The following SHISA9 variants were observed in gnomAD, a reference collection of about 807,000 sequenced individuals.
The protein encoded by SHISA9 is protein shisa-9.
In SHISA9, 13 loss-of-function variants were observed where a neutral mutation model predicts 38.0. The ratio of observed to expected loss-of-function variants is 0.34; its 90% CI spans 0.22 to 0.54. The LOEUF is 0.54. Among genes scored for constraint, SHISA9 ranks in the 20% least tolerant of loss-of-function variants. The pLI, the probability that SHISA9 is intolerant of heterozygous loss-of-function variation, is 0.91. For missense variants in SHISA9, 538 were observed against 575.8 expected (o/e 0.93, Z 0.67); for synonymous variants, 275 against 242.0 (o/e 1.14, Z -1.27).
Position 13,204,332 on chromosome 16 carries a change from G to C in SHISA9, c.847+783G>C, listed in dbSNP as rs190021370. Among the ~76,000 whole-genome samples the C allele has an allele frequency of 1.3e-3, 191 of 152,154 alleles. 1 individual carries two copies. The highest frequency in any genetic ancestry group is 4.5e-3 in the African/African-American group (185 of 41,508). ...AGCTGCTTTCTCTGACCTAGAACAA[G>C]TTCTACATTGCTGTGTGAGGCAGGG... On this transcript the variant is annotated intron_variant, in intron 3 of 4. Transcript: ENST00000558583.
chr16:13,046,072 G>A (rs1371577968), intron 2 of SHISA9, among the ~76,000 whole-genome samples: 1 of 152,188 alleles, frequency 6.6e-6, no homozygotes, highest in Non-Finnish European at 1.5e-5. Flanking sequence ...ATCACTGAGG[G>A]TCTGTGGTTT....
chr16:12,986,250 T>C (rs935483614), intron 2 of SHISA9, among the ~76,000 whole-genome samples: 1 of 152,244 alleles, frequency 6.6e-6, no homozygotes, highest in African/African-American at 2.4e-5. Flanking sequence ...ACTTCCTTTT[T>C]TTCCTTTGGA....
chr16:13,256,996 C>T, the SHISA9 span, among the ~76,000 whole-genome samples: 1 of 152,160 alleles, frequency 6.6e-6, no homozygotes, highest in East Asian at 1.9e-4. Context: ...CTATGCCAAC[C>T]TCTGGTGCCC....
At chr16:13,060,653 A>C (rs886347545) in intron 2 of SHISA9, among the ~76,000 whole-genome samples, 1 of 151,448 alleles carries the variant, frequency 6.6e-6, no homozygotes, top group Non-Finnish European at 1.5e-5. Context: ...AAAAAAAAAA[A>C]AAAAAAAACA....
At chr16:13,433,781 C>G in the SHISA9 span, among the ~76,000 whole-genome samples, 4 of 152,230 alleles carry the variant, frequency 2.6e-5, no homozygotes, top group Admixed American at 6.5e-5. Context: ...GATTTGTCCA[C>G]TGACTAACCT....
intron 4 of SHISA9, among the ~76,000 whole-genome samples, chr16:13,221,696 C>T (rs753707565): frequency 1.3e-5 from 2 of 152,124 alleles, no homozygotes; most frequent in Non-Finnish European, 2.9e-5. Context: ...TCAGAATGTT[C>T]ACAGAATTGT....
the SHISA9 span, among the ~76,000 whole-genome samples, chr16:13,327,885 C>T: frequency 1.1e-3 from 173 of 152,142 alleles, no homozygotes; most frequent in African/African-American, 4.1e-3. Flanking sequence ...CCTTGCACTC[C>T]TGACCTGGAG....
At chr16:13,520,711 G>C in the SHISA9 span, among the ~76,000 whole-genome samples, 4 of 150,954 alleles carry the variant, frequency 2.6e-5, no homozygotes, top group Admixed American at 6.6e-5. Context: ...GAAGAGTAAA[G>C]GCATATGTAT....
chr16:13,094,591 G>T (rs930102454), intron 2 of SHISA9, among the ~76,000 whole-genome samples: 2 of 152,144 alleles, frequency 1.3e-5, no homozygotes, highest in Non-Finnish European at 2.9e-5. Context: ...TTTTGTCTCA[G>T]TGTCAATACC....
intron 2 of SHISA9, among the ~76,000 whole-genome samples, chr16:12,966,255 T>A (rs1243854557): frequency 6.6e-6 from 1 of 152,200 alleles, no homozygotes; most frequent in Non-Finnish European, 1.5e-5. Context: ...CTAGGGGACA[T>A]CTGCTTCCCT....
chr16:13,314,043 G>A, the SHISA9 span, among the ~76,000 whole-genome samples: 1 of 137,142 alleles, frequency 7.3e-6, no homozygotes, highest in Non-Finnish European at 1.7e-5. Context: ...ACAATAAGCT[G>A]TACCTCATGG....
intron 2 of SHISA9, among the ~76,000 whole-genome samples, chr16:12,988,157 C>T (rs1359317115): frequency 6.6e-6 from 1 of 152,196 alleles, no homozygotes; most frequent in Admixed American, 6.5e-5. Context: ...CCAGATGGAC[C>T]ACAACAGGCA....
chr16:13,465,078 T>C, the SHISA9 span, among the ~76,000 whole-genome samples: 1 of 152,200 alleles, frequency 6.6e-6, no homozygotes, highest in Non-Finnish European at 1.5e-5. Flanking sequence ...CTCAGTCTTA[T>C]TAACATTTTG....
At chr16:13,243,179 G>A (rs1286109420), downstream of SHISA9, among the ~76,000 whole-genome samples, 1 of 151,916 alleles carries the variant, frequency 6.6e-6, no homozygotes, top group Non-Finnish European at 1.5e-5. Context: ...GGCAGAGTTT[G>A]CAGTGAGCCG....
intron 2 of SHISA9, among the ~76,000 whole-genome samples, chr16:12,926,052 A>T (rs1448541659): frequency 1.3e-5 from 2 of 152,158 alleles, no homozygotes; most frequent in African/African-American, 4.8e-5. Flanking sequence ...CAACATCTTC[A>T]TAAAATAATT....
the SHISA9 span, among the ~76,000 whole-genome samples, chr16:13,544,657 A>G: frequency 6.6e-6 from 1 of 151,822 alleles, no homozygotes; most frequent in South Asian, 2.1e-4. Flanking sequence ...AGAATAGAAG[A>G]CTGGGCCAGG....
the SHISA9 span, among the ~76,000 whole-genome samples, chr16:13,325,656 C>T: frequency 3.6e-3 from 547 of 152,272 alleles, 3 homozygotes; most frequent in South Asian, 6.0e-3. Flanking sequence ...GAGTCCAAAG[C>T]CCTGACGACT....
chr16:12,964,778 C>T (rs1387303389), intron 2 of SHISA9, among the ~76,000 whole-genome samples: 1 of 152,060 alleles, frequency 6.6e-6, no homozygotes, highest in East Asian at 1.9e-4. Flanking sequence ...GTTACTTAAC[C>T]CCTGAGATTC....
intron 2 of SHISA9, among the ~76,000 whole-genome samples, chr16:13,078,466 G>T (rs1430488183): frequency 6.6e-6 from 1 of 151,562 alleles, no homozygotes; most frequent in Admixed American, 6.6e-5. Flanking sequence ...AGTGCAGTGG[G>T]GTGATCTTGG....
Sources: gnomAD v4.1 joint callset for allele counts (sites outside exome capture counted in the v4.1 genomes callset) on GRCh38, gnomAD v4.1.1 for gene constraint, MANE v1.5 for transcripts, NCBI Gene and HGNC (gene_info 2026-07-23, HGNC 2026-07-21) for gene names.